ZNF750: variants seen among roughly 807,000 people sequenced by gnomAD.
ZNF750 encodes protein ZNF750.
A neutral mutation model predicts 31.6 loss-of-function variants in ZNF750; 10 were observed. The ratio of observed to expected loss-of-function variants is 0.32; its 90% CI spans 0.19 to 0.54. ZNF750 has a LOEUF of 0.54. Ranked by LOEUF, ZNF750 falls within the 20% of genes least tolerant of loss-of-function variation. ZNF750 has a pLI of 0.95. For missense variants in ZNF750, 914 were observed against 934.9 expected, an observed-to-expected ratio of 0.98 and a Z score of 0.29; for synonymous variants, 400 against 404.9, an observed-to-expected ratio of 0.99 and a Z score of 0.15.
rs556202359 is a variant in ZNF750 at position 82,835,995 on chromosome 17, T to A, written c.-182-3359A>T. 1.3e-5 allele frequency among the ~76,000 whole-genome samples: 2 copies of A among 152,234 alleles called. No homozygotes were observed. The highest frequency in any genetic ancestry group is 2.9e-5 in the Non-Finnish European group (2 of 68,012). On this transcript the variant is annotated intron_variant, in intron 1 of 2. Coordinates refer to ENST00000269394, the MANE Select transcript of ZNF750 (RefSeq NM_024702.3). This position sits in a 1 kb window ranked among gnomAD's most constrained non-coding sequence, Gnocchi z 4.5. ...TCAGACCCCGCGCTCAGCACCCGTC[T>A]CCCACCGTGGGCTGCCACAGAAGCT...
Position 82,832,708 on chromosome 17 carries a change from A to G in ZNF750, c.-182-72T>C. ...GGCGAGAAGCCGGCCTCGGCTCGCC[A>G]CAGTGCCACAGGATCCCTGAAGCAG... On this transcript the variant is annotated intron_variant, in intron 1 of 2. Coordinates refer to ENST00000269394, the MANE Select transcript of ZNF750 (RefSeq NM_024702.3). The surrounding 1 kb of genome is among the most constrained non-coding windows in gnomAD (Gnocchi z 4.9). 1.8e-6 allele frequency: 1 copy of G among 541,072 alleles called. No homozygotes were observed. Among genetic ancestry groups the G allele is most frequent in the South Asian group, 2.0e-5 (1 of 48,870 alleles). The allele number at this position is 541,072 out of a possible 1,614,324, so 33.5% of individuals were successfully genotyped here. A position where few individuals can be genotyped will look rare whatever the true frequency, so the allele number is the denominator to read the frequency against.
At position 82,832,804 on chromosome 17, in the gene ZNF750, A is replaced by G. The variant is rs1224054962; in HGVS notation, c.-182-168T>C. Among the ~76,000 whole-genome samples the G allele has an allele frequency of 6.6e-6, 1 of 151,984 alleles. No homozygotes were observed. Among genetic ancestry groups the G allele is most frequent in the Non-Finnish European group, 1.5e-5 (1 of 67,988 alleles). On this transcript the variant is annotated intron_variant, in intron 1 of 2. Transcript: ENST00000269394. This position sits in a 1 kb window ranked among gnomAD's most constrained non-coding sequence, Gnocchi z 4.9. ...CCGGTCACAGAAGCAGCCCTGCCCT[A>G]CCCTTGGTAACCTGGCTGCTGACTC... is the stretch of plus-strand genomic sequence containing the variant.
intron 1 of ZNF750, among the ~76,000 whole-genome samples, chr17:82,834,425 C>T (rs978309458): frequency 6.6e-6 from 1 of 152,086 alleles, no homozygotes; most frequent in African/African-American, 2.4e-5. Flanking sequence ...TCTTTAGGGT[C>T]TAAATATTTT....
chr17:82,837,231 TGAA>T (rs2054064854), intron 1 of ZNF750, among the ~76,000 whole-genome samples: 3 of 152,172 alleles, frequency 2.0e-5, no homozygotes, highest in Admixed American at 2.0e-4. Context: ...TTTATAAGGA[TGAA>T]GAAACCAAAC....
rs528670805 is a variant in ZNF750 at position 82,832,502 on chromosome 17, T to C, written c.-48A>G. Reference sequence around the variant, plus strand: ...CTGGCTGTCCAGGTGGCGTGATCACTGTCGACGCCGCGTGCACTTCGTGGT... The same window carrying C: ...CTGGCTGTCCAGGTGGCGTGATCACCGTCGACGCCGCGTGCACTTCGTGGT... On this transcript the variant is annotated 5_prime_UTR_variant, in exon 2 of 3. Coordinates refer to ENST00000269394, the MANE Select transcript of ZNF750 (RefSeq NM_024702.3). This position sits in a 1 kb window ranked among gnomAD's most constrained non-coding sequence, Gnocchi z 4.9. 4.5e-6 allele frequency: 7 copies of C among 1,543,552 alleles called. No homozygotes were observed. Among genetic ancestry groups the C allele is most frequent in the Non-Finnish European group, 6.2e-6 (7 of 1,127,542 alleles).
chr17:82,836,687 CAAA>C (rs559997152), intron 1 of ZNF750, among the ~76,000 whole-genome samples: 1 of 116,912 alleles, frequency 8.6e-6, no homozygotes, highest in African/African-American at 3.2e-5. Context: ...TACTTTTAGG[CAAA>C]AAAAAAAACA....
rs541616212 is a variant in ZNF750, at chr17:82,835,679, C to T, written c.-182-3043G>A. ...ACCTCAGGCGATCTGCCCGCCTCAG[C>T]CTCCCAAAGTGCTGGGATTACAGGC... On this transcript the variant is annotated intron_variant, in intron 1 of 2. Coordinates refer to ENST00000269394, the MANE Select transcript of ZNF750 (RefSeq NM_024702.3). The surrounding 1 kb of genome is among the most constrained non-coding windows in gnomAD (Gnocchi z 4.5). 1.3e-5 allele frequency among the ~76,000 whole-genome samples: 2 copies of T among 152,288 alleles called. No individual in the cohort carries two copies. The highest frequency in any genetic ancestry group is 3.9e-4 in the East Asian group (2 of 5,178).
rs1598814292 is a variant in ZNF750 at position 82,835,761 on chromosome 17, C to T, written c.-182-3125G>A. On this transcript the variant is annotated intron_variant, in intron 1 of 2. Transcript: ENST00000269394. The surrounding 1 kb of genome is among the most constrained non-coding windows in gnomAD (Gnocchi z 4.5). Reference sequence around the variant, plus strand: ...AATTCTTAAAAACACAACCACCCTTCCCCCTACAAACTGCCTCTATTAACA... The same window carrying T: ...AATTCTTAAAAACACAACCACCCTTTCCCCTACAAACTGCCTCTATTAACA... Among the ~76,000 whole-genome samples the T allele has an allele frequency of 3.9e-5, 6 of 152,322 alleles. 2 individuals carry two copies. The highest frequency in any genetic ancestry group is 3.9e-4 in the Admixed American group (6 of 15,300).
chr17:82,831,552 T>A lies in ZNF750; in HGVS notation c.903A>T (p.Thr301=), dbSNP rs1277748793. Residue 301 remains threonine (T), a synonymous_variant, in exon 2 of 3, where the codon ACA becomes ACT. Coordinates refer to ENST00000269394, the MANE Select transcript of ZNF750 (RefSeq NM_024702.3). The surrounding 1 kb of genome is among the most constrained non-coding windows in gnomAD (Gnocchi z 4.6). ...IPKHLAPSPA[T]YDHYRFFQQY... is the part of the protein sequence containing the mutation. ...GCTGGAAAAACCTGTAGTGATCGTA[T>A]GTGGCTGGAGATGGAGCCAGGTGCT... The A allele has an allele frequency of 1.2e-6, 2 of 1,614,118 alleles. No individual in the cohort carries two copies. Among genetic ancestry groups the A allele is most frequent in the East Asian group, 4.5e-5 (2 of 44,876 alleles).
At position 82,831,637 on chromosome 17, in the gene ZNF750, A is replaced by G. The variant is rs1366557080; in HGVS notation, c.818T>C (p.Leu273Pro). The change falls in exon 2 of 3, where the codon CTG becomes CCG. Residue 273 changes from leucine to proline, a missense_variant. By Grantham distance (98) the Leu-to-Pro change is moderately conservative. Coordinates refer to ENST00000269394, the MANE Select transcript of ZNF750 (RefSeq NM_024702.3). The surrounding 1 kb of genome is among the most constrained non-coding windows in gnomAD (Gnocchi z 4.6). ...GSSPECDAPLLSVYGTQDPRH... is the reference protein window; with the variant it reads ...GSSPECDAPLPSVYGTQDPRH... ...CGGGTCTTGGGTTCCGTAGACTGAC[A>G]GCAGGGGTGCGTCACACTCAGGCGA... The G allele has an allele frequency of 6.2e-7, 1 of 1,614,142 alleles. No individual in the cohort carries two copies. Among genetic ancestry groups the G allele is most frequent in the South Asian group, 1.1e-5 (1 of 91,078 alleles).
At chr17:82,836,780 A>C (rs2054024262) in intron 1 of ZNF750, among the ~76,000 whole-genome samples, 1 of 152,264 alleles carries the variant, frequency 6.6e-6, no homozygotes, top group South Asian at 2.1e-4. Context: ...AAAGCTTTAC[A>C]ACAGGCAGGT....
rs781043067 is a variant in ZNF750, at chr17:82,832,464, T to C, written c.-10A>G. The C allele has an allele frequency of 6.2e-7, 1 of 1,606,558 alleles. No homozygotes were observed. The highest frequency in any genetic ancestry group is 2.2e-5 in the East Asian group (1 of 44,878). On this transcript the variant is annotated 5_prime_UTR_variant, in exon 2 of 3. In the 5' UTR this introduces an upstream ATG that the reference lacks. Coordinates refer to ENST00000269394, the MANE Select transcript of ZNF750 (RefSeq NM_024702.3). This position sits in a 1 kb window ranked among gnomAD's most constrained non-coding sequence, Gnocchi z 4.9. ...CTTTGAGGAGACTCATTTTCCTCCT[T>C]ATGCCTTGGACTCTGGCTGTCCAGG... is the stretch of plus-strand genomic sequence containing the variant.
intron 1 of ZNF750, among the ~76,000 whole-genome samples, chr17:82,839,687 G>A (rs1474698876): frequency 6.6e-6 from 1 of 152,200 alleles, no homozygotes; most frequent in Non-Finnish European, 1.5e-5. Flanking sequence ...GCAGAACAAG[G>A]AGTTAATTTC....
At chr17:82,837,434 T>G (rs2054084395) in intron 1 of ZNF750, among the ~76,000 whole-genome samples, 1 of 152,196 alleles carries the variant, frequency 6.6e-6, no homozygotes, top group South Asian at 2.1e-4. Context: ...AATTTGGATT[T>G]GTATTTAGAG....
At chr17:82,836,079 A>G (rs181039352) in intron 1 of ZNF750, among the ~76,000 whole-genome samples, 17 of 151,738 alleles carry the variant, frequency 1.1e-4, no homozygotes, top group African/African-American at 4.1e-4. Flanking sequence ...CTGTCTTTCT[A>G]ATTTCCCCCT....
At chr17:82,837,595 G>A (rs2145384656) in intron 1 of ZNF750, among the ~76,000 whole-genome samples, 1 of 152,278 alleles carries the variant, frequency 6.6e-6, no homozygotes, top group South Asian at 2.1e-4. Flanking sequence ...GCTTTCATTT[G>A]AGAACTGCAG....
chr17:82,835,631 G>A lies in ZNF750; in HGVS notation c.-182-2995C>T, dbSNP rs962957749. Among the ~76,000 whole-genome samples the A allele has an allele frequency of 5.3e-5, 8 of 151,886 alleles. No individual in the cohort carries two copies. Among genetic ancestry groups the A allele is most frequent in the African/African-American group, 1.2e-4 (5 of 41,316 alleles). On this transcript the variant is annotated intron_variant, in intron 1 of 2. Coordinates refer to ENST00000269394, the MANE Select transcript of ZNF750 (RefSeq NM_024702.3). The surrounding 1 kb of genome is among the most constrained non-coding windows in gnomAD (Gnocchi z 4.5). ...GTAGAGATGGGGTTTCACTATGTTGGCCCGGCTGGTCTTGAACTCCTGACC... is the reference window on the plus strand; with the variant it reads ...GTAGAGATGGGGTTTCACTATGTTGACCCGGCTGGTCTTGAACTCCTGACC...
At chr17:82,837,496 T>G (rs1199080293) in intron 1 of ZNF750, among the ~76,000 whole-genome samples, 1 of 152,208 alleles carries the variant, frequency 6.6e-6, no homozygotes, top group Non-Finnish European at 1.5e-5. Flanking sequence ...CTTTCTCTCC[T>G]GGGGGAGGTG....
chr17:82,838,455 T>A (rs1391827887), intron 1 of ZNF750, among the ~76,000 whole-genome samples: 1 of 152,210 alleles, frequency 6.6e-6, no homozygotes, highest in Non-Finnish European at 1.5e-5. Flanking sequence ...CCTGAGATTG[T>A]GCTGTAATGT....
Sources: allele counts gnomAD v4.1 joint callset (sites outside exome capture counted in the v4.1 genomes callset), GRCh38; gene constraint gnomAD v4.1.1; non-coding constraint Gnocchi (gnomAD v3.1); transcripts MANE v1.5; gene names NCBI Gene and HGNC (gene_info 2026-07-23, HGNC 2026-07-21).